GPHN: variants seen among roughly 807,000 people sequenced by gnomAD.
GPHN encodes the protein gephyrin.
A neutral mutation model predicts 95.5 loss-of-function variants in GPHN; 17 were observed. The ratio of observed to expected loss-of-function variants is 0.18; its 90% CI spans 0.12 to 0.27. GPHN has a LOEUF of 0.27. GPHN is among the 10% of genes least tolerant of loss of function. The pLI is 1.00. For missense variants in GPHN, 660 were observed against 978.1 expected (o/e 0.67, Z 4.34); for synonymous variants, 320 against 322.5 (o/e 0.99, Z 0.08).
chr14:66,978,473 G>A (rs1237168801), intron 9 of GPHN, among the ~76,000 whole-genome samples: 1 of 152,180 alleles, frequency 6.6e-6, no homozygotes, highest in Non-Finnish European at 1.5e-5. Flanking sequence ...ACCAGGAGTA[G>A]ATTTCATCTC....
chr14:67,385,083 C>T, the GPHN span: 1 of 152,122 alleles, frequency 6.6e-6, no homozygotes, highest in African/African-American at 2.4e-5. Flanking sequence ...GGGCCTTTTG[C>T]TCAGTTCCAT....
Position 66,649,934 on chromosome 14 carries a change from C to T in GPHN, c.65-31173C>T, listed in dbSNP as rs541579537. Among the ~76,000 whole-genome samples the T allele has an allele frequency of 8.5e-5, 13 of 152,248 alleles. No homozygotes were observed. The East Asian group carries it at 2.3e-3, about 27-fold the overall frequency. ...TTTTATTTACCACTTTCATCTGCTT[C>T]TCTTTCCTGCATTACACACTTTTCT... On this transcript the variant is annotated intron_variant, in intron 1 of 22. Transcript: ENST00000478722.
chr14:67,269,176 A>C, the GPHN span, among the ~76,000 whole-genome samples: 2 of 152,194 alleles, frequency 1.3e-5, no homozygotes, highest in Non-Finnish European at 2.9e-5. Context: ...TGTAGGGTTA[A>C]TCTATGTTGT....
chr14:66,821,770 A>G (rs766745653), intron 3 of GPHN, among the ~76,000 whole-genome samples: 2 of 152,192 alleles, frequency 1.3e-5, no homozygotes, highest in Non-Finnish European at 2.9e-5. Context: ...GAAGTCTGCC[A>G]TATATCACAT....
chr14:66,687,736 A>C (rs898884411), intron 2 of GPHN, among the ~76,000 whole-genome samples: 1 of 151,848 alleles, frequency 6.6e-6, no homozygotes, highest in African/African-American at 2.4e-5. Context: ...TGATCCGCCC[A>C]CCTCGGCCTC....
At chr14:67,265,595 G>A in the GPHN span, among the ~76,000 whole-genome samples, 2,253 of 151,826 alleles carry the variant, frequency 0.015, 21 homozygotes, top group Non-Finnish European at 0.024. Flanking sequence ...AGTGGCTCAC[G>A]CCTGTAATCC....
At chr14:66,845,837 GTGTGTGTGTGTGTGTGTGTGTGTC>G (rs2062305063) in intron 4 of GPHN, among the ~76,000 whole-genome samples, 1 of 151,410 alleles carries the variant, frequency 6.6e-6, no homozygotes, top group South Asian at 2.1e-4. Context: ...GTGTGTGTGT[GTGTGTGTGTGTGTGTGTGTGTGTC>G]TGTGTGCGTG....
At chr14:66,819,086 GT>G (rs1194285824) in intron 3 of GPHN, among the ~76,000 whole-genome samples, 2 of 152,166 alleles carry the variant, frequency 1.3e-5, no homozygotes, top group African/African-American at 4.8e-5. Flanking sequence ...AAGCTCTTTA[GT>G]TTAATTAAAT....
rs945127807 is a variant in GPHN at position 66,686,118 on chromosome 14, A to G, written c.143+4933A>G. Among the ~76,000 whole-genome samples, 99 of 152,234 alleles carry G rather than the reference A, an allele frequency of 6.5e-4. 1 individual carries two copies. The highest frequency in any genetic ancestry group is 2.2e-3 in the African/African-American group (92 of 41,532). On this transcript the variant is annotated intron_variant, in intron 2 of 22. Coordinates refer to ENST00000478722, the MANE Select transcript of GPHN (RefSeq NM_020806.5). Reference sequence around the variant, plus strand: ...TCCAGTGGTCTATATCTCTGTTTTGATACCAGTACCATGCTGGTTTGGTTA... The same window carrying G: ...TCCAGTGGTCTATATCTCTGTTTTGGTACCAGTACCATGCTGGTTTGGTTA...
the GPHN span, chr14:67,579,314 G>A: frequency 6.6e-7 from 1 of 1,509,062 alleles, no homozygotes; most frequent in South Asian, 1.3e-5. Context: ...CTTACCATGT[G>A]AGGAGCTGGG....
At chr14:67,014,274 T>A (rs2073177366) in intron 9 of GPHN, among the ~76,000 whole-genome samples, 1 of 152,176 alleles carries the variant, frequency 6.6e-6, no homozygotes, top group South Asian at 2.1e-4. Context: ...TGTATTCTTA[T>A]TTTCTTTACA....
chr14:67,725,114 T>C, the GPHN span: 1 of 1,614,192 alleles, frequency 6.2e-7, no homozygotes, highest in African/African-American at 1.3e-5. Context: ...CGAGTCTATA[T>C]TGCCTGCAGA....
At chr14:66,634,601 G>A (rs373300782) in intron 1 of GPHN, among the ~76,000 whole-genome samples, 2 of 152,232 alleles carry the variant, frequency 1.3e-5, no homozygotes, top group Admixed American at 6.5e-5. Flanking sequence ...ATTGGCCCTC[G>A]CATCCCTGGG....
chr14:67,344,363 T>C, the GPHN span, among the ~76,000 whole-genome samples: 1 of 152,206 alleles, frequency 6.6e-6, no homozygotes, highest in South Asian at 2.1e-4. Context: ...TATCAAATCA[T>C]TTCTGCTTCA....
At chr14:67,624,100 G>A in the GPHN span, among the ~76,000 whole-genome samples, 1 of 152,134 alleles carries the variant, frequency 6.6e-6, no homozygotes, top group Non-Finnish European at 1.5e-5. Context: ...AAATGAAAAG[G>A]CATTGCTCTG....
At chr14:66,592,762 C>G (rs9778059) in intron 1 of GPHN, among the ~76,000 whole-genome samples, 1 of 152,230 alleles carries the variant, frequency 6.6e-6, no homozygotes, top group South Asian at 2.1e-4. Flanking sequence ...GGATCTAGAA[C>G]CAGAAATACC....
chr14:66,655,078 A>G (rs1351240147), intron 1 of GPHN, among the ~76,000 whole-genome samples: 1 of 152,104 alleles, frequency 6.6e-6, no homozygotes, highest in African/African-American at 2.4e-5. Context: ...TTCTTTTTCA[A>G]AATTGTTTTA....
chr14:67,359,548 C>G, the GPHN span: 1 of 1,273,162 alleles, frequency 7.9e-7, no homozygotes, highest in South Asian at 1.3e-5. Context: ...CTGGGAAAAG[C>G]TCAGGATCCT....
the GPHN span, chr14:67,648,140 C>G: frequency 6.2e-7 from 1 of 1,614,042 alleles, no homozygotes; most frequent in Non-Finnish European, 8.5e-7. Flanking sequence ...GGGGACTAAC[C>G]TATCGAGAAG....
Sources: allele counts gnomAD v4.1 joint callset (sites outside exome capture counted in the v4.1 genomes callset), GRCh38; gene constraint gnomAD v4.1.1; transcripts MANE v1.5; gene names NCBI Gene and HGNC (gene_info 2026-07-23, HGNC 2026-07-21).